Variants in BRICD5 observed in about 807,000 individuals in gnomAD.
BRICD5 encodes the protein BRICHOS domain-containing protein 5.
A neutral mutation model predicts 28.4 loss-of-function variants in BRICD5; 51 were observed. The ratio of observed to expected loss-of-function variants is 1.80; its 90% CI spans 1.43 to 2.27. BRICD5 has a LOEUF of 2.27. BRICD5 is among the 30% of genes most tolerant of loss of function. The pLI is 0.00. For missense variants in BRICD5, 456 were observed against 309.6 expected (o/e 1.47, Z -3.55); for synonymous variants, 177 against 130.2 (o/e 1.36, Z -2.44).
rs774953680 is a variant in BRICD5 at position 2,210,262 on chromosome 16, C to T, written c.200G>A (p.Arg67Gln). The change falls in exon 3 of 6, where the codon CGA becomes CAA. Residue 67 changes from arginine to glutamine, a missense_variant. Arg to Gln is a conservative substitution (Grantham distance 43, BLOSUM62 1). Coordinates refer to ENST00000328540, the MANE Select transcript of BRICD5 (RefSeq NM_182563.4). Reference sequence around the variant, plus strand: ...CATGTGGGGGCTCGGGAGGGTCATTCGCAGCGTCTGCAGCCTTGGCTGGCA... The same window carrying T: ...CATGTGGGGGCTCGGGAGGGTCATTTGCAGCGTCTGCAGCCTTGGCTGGCA... ...GPPKPRLQTL[R>Q]MTLPSPHMPR... is the part of the protein sequence containing the mutation. The T allele has an allele frequency of 1.1e-5, 17 of 1,538,234 alleles. No individual in the cohort carries two copies. The highest frequency in any genetic ancestry group is 4.7e-5 in the South Asian group (4 of 85,002).
chr16:2,210,734 C>T (rs764571839), intron 1 of BRICD5, 49 bp downstream of exon 1: 6 of 1,609,230 alleles, frequency 3.7e-6, no homozygotes, highest in South Asian at 2.2e-5. Flanking sequence ...GCTGGGTGGC[C>T]TGGGGCACCC....
chr16:2,209,449 C>G lies in BRICD5; in HGVS notation c.600G>C (p.Arg200=), dbSNP rs2093361595. ...IYWARRAEGP[R]RQRLIYLCID... ...TGCAGAGATAAATCAGCCGCTGTCT[C>G]CGGGGCCCTGTGGCGAGGGTGCCGT... The change falls in exon 6 of 6, where the codon CGG becomes CGC. Residue 200 remains arginine (R), a synonymous_variant. Coordinates refer to ENST00000328540, the MANE Select transcript of BRICD5 (RefSeq NM_182563.4). 3 of 1,613,660 alleles carry G rather than the reference C, an allele frequency of 1.9e-6. No homozygotes were observed. The highest frequency in any genetic ancestry group is 1.3e-5 in the African/African-American group (1 of 75,056).
intron 2 of BRICD5, 32 bp downstream of exon 2, chr16:2,210,490 G>C (rs756263236): frequency 1.8e-5 from 28 of 1,582,804 alleles, no homozygotes; most frequent in Non-Finnish European, 2.4e-5. Flanking sequence ...CCTTTCCACT[G>C]TCCATGTCCC....
In BRICD5 at chr16:2,210,558, A is replaced by G. The variant is rs1596736673; in HGVS notation, c.144T>C (p.Ala48=). 6.2e-7 allele frequency: 1 copy of G among 1,612,874 alleles called. No homozygotes were observed. The highest frequency in any genetic ancestry group is 8.5e-7 in the Non-Finnish European group (1 of 1,179,792). ...CCTGAGCAGAGCCAAGAAGCCCTCC[A>G]GCCACAACCCCCACAGCGGCCAGCA... ...LLVLAAVGVV[A]GGLLGSAQGP... The change falls in exon 2 of 6, where the codon GCT becomes GCC. Residue 48 remains alanine, a synonymous_variant. Transcript: ENST00000328540.
chr16:2,209,362 T>A lies in BRICD5; in HGVS notation c.687A>T (p.Ter229CysextTer?), dbSNP rs369257397. 1.2e-6 allele frequency: 2 copies of A among 1,608,972 alleles called. No homozygotes were observed. Among genetic ancestry groups the A allele is most frequent in the Non-Finnish European group, 1.7e-6 (2 of 1,176,306 alleles). Residue 229 changes from the stop codon to cysteine (C), a stop_lost, in exon 6 of 6, where the codon TGA becomes TGT. Transcript: ENST00000328540. Reference sequence around the variant, plus strand: ...GGCCAGGCTGGGCCAGGTCGGGGGCTCAGTCTGGGAGGTAATAAAAGCAGA... The same window carrying A: ...GGCCAGGCTGGGCCAGGTCGGGGGCACAGTCTGGGAGGTAATAAAAGCAGA... ...VSVCFYYLPD[*>C]
Position 2,209,609 on chromosome 16 carries a change from G to A in BRICD5, c.536C>T (p.Ala179Val), listed in dbSNP as rs1310236783. 2 of 1,612,812 alleles carry A rather than the reference G, an allele frequency of 1.2e-6. No individual in the cohort carries two copies. The highest frequency in any genetic ancestry group is 1.7e-6 in the Non-Finnish European group (2 of 1,179,992). ...CCTCATGCACAGGCGCTGCACCAAA[G>A]CCCCCGCCTGGGCGGGGTCCACTTC... is the stretch of plus-strand genomic sequence containing the variant. ...SLEVDPAQAG[A>V]LVQRLCMRTP... The change falls in exon 5 of 6, where the codon GCT becomes GTT. Residue 179 changes from alanine to valine, a missense_variant. Transcript: ENST00000328540.
At chr16:2,210,690 A>G (rs1329492211) in intron 1 of BRICD5, 40 bp from the exon 2 acceptor site, 5 of 1,610,890 alleles carry the variant, frequency 3.1e-6, no homozygotes, top group Non-Finnish European at 4.2e-6. Flanking sequence ...TGAGGGTTAG[A>G]CATCAGGGAG....
chr16:2,210,408 T>C, intron 2 of BRICD5, 114 bp downstream of exon 2: 2 of 1,534,192 alleles, frequency 1.3e-6, no homozygotes, highest in Non-Finnish European at 1.8e-6. Flanking sequence ...GGCTGTCTGC[T>C]CCTAGGTGGT....
In BRICD5 at chr16:2,209,351, A is replaced by G. The variant is rs758292937; in HGVS notation, c.*11T>C. 28 of 1,606,862 alleles carry G rather than the reference A, an allele frequency of 1.7e-5. No homozygotes were observed. Among genetic ancestry groups the G allele is most frequent in the Admixed American group, 6.7e-5 (4 of 59,840 alleles). On this transcript the variant is annotated 3_prime_UTR_variant, in exon 6 of 6. Coordinates refer to ENST00000328540, the MANE Select transcript of BRICD5 (RefSeq NM_182563.4). The stretch of plus-strand genomic sequence containing the variant: ...GATTGGGGACGGGCCAGGCTGGGCC[A>G]GGTCGGGGGCTCAGTCTGGGAGGTA...
chr16:2,209,856 T>C (rs965076030), intron 4 of BRICD5, 94 bp downstream of exon 4: 40 of 1,398,760 alleles, frequency 2.9e-5, no homozygotes, highest in Non-Finnish European at 3.5e-5. Flanking sequence ...TCCTGTTCCC[T>C]GAAACCACAG....
At position 2,209,796 on chromosome 16, in the gene BRICD5, T is replaced by C. The variant is rs1006864036; in HGVS notation, c.439-90A>G. ...GGGTACCCTCCAACCCCCAGTGATG[T>C]CCCCACCCTCAGCTCTTGTCAGCAG... On this transcript the variant is annotated intron_variant, in intron 4 of 5. Coordinates refer to ENST00000328540, the MANE Select transcript of BRICD5 (RefSeq NM_182563.4). The C allele has an allele frequency of 5.6e-6, 8 of 1,427,338 alleles. No individual in the cohort carries two copies. The African/African-American group carries it at 1.1e-4, about 20-fold the overall frequency. 88.4% of individuals were successfully genotyped at this position (1,427,338 alleles called of 1,614,324 possible).
intron 1 of BRICD5, 28 bp downstream of exon 1, chr16:2,210,755 T>C (rs1596737060): frequency 6.2e-7 from 1 of 1,608,418 alleles, no homozygotes; most frequent in Admixed American, 1.7e-5. Flanking sequence ...CCTGGGTCCT[T>C]GCTGCAGGAG....
At position 2,209,278 on chromosome 16, in the gene BRICD5, C is replaced by T; in HGVS notation, c.*84G>A. On this transcript the variant is annotated 3_prime_UTR_variant, in exon 6 of 6. Transcript: ENST00000328540. ...GCCAGGTGGAAGGGTTTATTAGTCC[C>T]TGCCAGCAGCTGTCCTCCCTGGTGC... The T allele has an allele frequency of 1.6e-6, 2 of 1,284,484 alleles. No individual in the cohort carries two copies. Among genetic ancestry groups the T allele is most frequent in the Non-Finnish European group, 2.2e-6 (2 of 904,376 alleles). 79.6% of individuals were successfully genotyped at this position (1,284,484 alleles called of 1,614,324 possible).
At position 2,209,760 on chromosome 16, in the gene BRICD5, T is replaced by C. The variant is rs2141395369; in HGVS notation, c.439-54A>G. ...GACAGGGCTGCTCCCTGCTCCTGGC[T>C]TGGCAGGGCCGGGTACCCTCCAACC... On this transcript the variant is annotated intron_variant, in intron 4 of 5. Transcript: ENST00000328540. 4 of 1,533,092 alleles carry C rather than the reference T, an allele frequency of 2.6e-6. No homozygotes were observed. The East Asian group carries it at 6.8e-5, about 26-fold the overall frequency. 95.0% of individuals were successfully genotyped at this position (1,533,092 alleles called of 1,614,324 possible). A position where few individuals can be genotyped will look rare whatever the true frequency, so the allele number is the denominator to read the frequency against.
Position 2,210,252 on chromosome 16 carries a change from G to T in BRICD5, c.210C>A (p.Leu70=), listed in dbSNP as rs748331645. The T allele has an allele frequency of 1.9e-6, 3 of 1,548,716 alleles. No homozygotes were observed. The East Asian group carries it at 7.1e-5, about 37-fold the overall frequency. Reference sequence around the variant, plus strand: ...TGGGCCGGGGCATGTGGGGGCTCGGGAGGGTCATTCGCAGCGTCTGCAGCC... The same window carrying T: ...TGGGCCGGGGCATGTGGGGGCTCGGTAGGGTCATTCGCAGCGTCTGCAGCC... ...KPRLQTLRMT[L]PSPHMPRPNQ... Residue 70 remains leucine, a synonymous_variant, in exon 3 of 6, where the codon CTC becomes CTA. Coordinates refer to ENST00000328540, the MANE Select transcript of BRICD5 (RefSeq NM_182563.4).
At position 2,210,136 on chromosome 16, in the gene BRICD5, T is replaced by G; in HGVS notation, c.326A>C (p.Asp109Ala). ...TCCCTGCCCACTCACGCTCTGCCCG[T>G]CGAACAGCACCGCCCAGCTGTGGTT... ...QSNHSWAVLF[D>A]GQSGCICYRP... The change falls in exon 3 of 6, where the codon GAC (aspartate) becomes GCC (alanine). Residue 109 changes from aspartate (D) to alanine (A), a missense_variant. By Grantham distance (126) the Asp-to-Ala change is moderately radical. Coordinates refer to ENST00000328540, the MANE Select transcript of BRICD5 (RefSeq NM_182563.4). The G allele has an allele frequency of 1.9e-6, 3 of 1,609,362 alleles. No homozygotes were observed. The highest frequency in any genetic ancestry group is 2.5e-6 in the Non-Finnish European group (3 of 1,178,756).
chr16:2,209,310 C>A lies in BRICD5; in HGVS notation c.*52G>T. On this transcript the variant is annotated 3_prime_UTR_variant, in exon 6 of 6. Transcript: ENST00000328540. ...CAGCTGTCCTCCCTGGTGCAGGTGG[C>A]CTGGCCAGCCCACTGGATTGGGGAC... The A allele has an allele frequency of 6.6e-7, 1 of 1,526,606 alleles. No homozygotes were observed. The highest frequency in any genetic ancestry group is 9.0e-7 in the Non-Finnish European group (1 of 1,109,826). 94.6% of individuals were successfully genotyped at this position (1,526,606 alleles called of 1,614,324 possible).
intron 2 of BRICD5, 22 bp downstream of exon 2, chr16:2,210,500 C>G (rs1458438453): frequency 1.3e-6 from 2 of 1,590,698 alleles, no homozygotes; most frequent in Admixed American, 1.7e-5. Context: ...GTCCATGTCC[C>G]TGGTGCTGAG....
Position 2,209,472 on chromosome 16 carries a change from C to G in BRICD5, c.593-16G>C. ...CTCCGGGGCCCTGTGGCGAGGGTGCCGTGAATCTCCAAGGGCTCCGCCCCC... is the reference window on the plus strand; with the variant it reads ...CTCCGGGGCCCTGTGGCGAGGGTGCGGTGAATCTCCAAGGGCTCCGCCCCC... On this transcript the variant is annotated splice_polypyrimidine_tract_variant and intron_variant, in intron 5 of 5. Coordinates refer to ENST00000328540, the MANE Select transcript of BRICD5 (RefSeq NM_182563.4). 1 of 1,613,398 alleles carries G rather than the reference C, an allele frequency of 6.2e-7. No homozygotes were observed. Among genetic ancestry groups the G allele is most frequent in the East Asian group, 2.2e-5 (1 of 44,884 alleles).
Sources: allele counts gnomAD v4.1 joint callset, GRCh38; gene constraint gnomAD v4.1.1; transcripts MANE v1.5; gene names NCBI Gene and HGNC (gene_info 2026-07-23, HGNC 2026-07-21).